Variants in GRIA1 observed in about 807,000 individuals in gnomAD.
GRIA1 encodes glutamate ionotropic receptor AMPA type subunit 1.
A neutral mutation model predicts 99.2 loss-of-function variants in GRIA1; 31 were observed. The ratio of observed to expected loss-of-function variants is 0.31; its 90% CI spans 0.23 to 0.42. The LOEUF is 0.42. Ranked by LOEUF, GRIA1 falls within the 10% of genes least tolerant of loss-of-function variation. The probability of loss-of-function intolerance (pLI) is 1.00; values close to 1 mark genes in which losing one functional copy is unlikely to be tolerated. For synonymous variants in GRIA1, 438 were observed against 432.4 expected, an observed-to-expected ratio of 1.01 and a Z score of -0.16; for missense variants, 782 against 1,157.5, an observed-to-expected ratio of 0.68 and a Z score of 4.71.
intron 7 of GRIA1, among the ~76,000 whole-genome samples, chr5:153,679,705 C>T (rs969151553): frequency 6.6e-6 from 1 of 152,176 alleles, no homozygotes; most frequent in African/African-American, 2.4e-5. Context: ...TGATGGTATC[C>T]AGTCTTAGAA....
intron 11 of GRIA1, among the ~76,000 whole-genome samples, chr5:153,761,654 C>G (rs771591736): frequency 5.9e-5 from 9 of 152,164 alleles, no homozygotes; most frequent in Non-Finnish European, 1.2e-4. Flanking sequence ...ATTCAACAAT[C>G]TCACCATTGA....
intron 2 of GRIA1, among the ~76,000 whole-genome samples, chr5:153,602,935 A>G (rs1245232886): frequency 2.6e-5 from 4 of 152,106 alleles, no homozygotes; most frequent in African/African-American, 9.7e-5. Context: ...TGTCATAGAT[A>G]TTGATCTGAG....
At chr5:153,512,480 G>A (rs1756191934) in intron 2 of GRIA1, among the ~76,000 whole-genome samples, 1 of 152,108 alleles carries the variant, frequency 6.6e-6, no homozygotes, top group Non-Finnish European at 1.5e-5. Flanking sequence ...TGGCCCAAGA[G>A]GCCAAAACAC....
chr5:153,732,708 T>A (rs1354585985), intron 11 of GRIA1, among the ~76,000 whole-genome samples: 1 of 152,062 alleles, frequency 6.6e-6, no homozygotes, highest in African/African-American at 2.4e-5. Context: ...CTTTGATGTA[T>A]GGAAACTTTT....
intron 8 of GRIA1, among the ~76,000 whole-genome samples, chr5:153,696,025 A>T (rs1758067483): frequency 6.6e-6 from 1 of 152,148 alleles, no homozygotes; most frequent in East Asian, 1.9e-4. Flanking sequence ...GGGGACAGAC[A>T]CACAAACAGC....
In GRIA1 at chr5:153,617,229, G is replaced by A. The variant is rs543469005; in HGVS notation, c.221-29699G>A. 6.6e-5 allele frequency among the ~76,000 whole-genome samples: 10 copies of A among 152,308 alleles called. No individual in the cohort carries two copies. In the South Asian group the frequency reaches 8.3e-4, roughly 13 times the overall value. ...AAAAGCTCTGTAAATTAGTGAGTTC[G>A]TGATATCATGCTACGCTCCTGTTTT... On this transcript the variant is annotated intron_variant, in intron 2 of 15. Coordinates refer to ENST00000285900, the MANE Select transcript of GRIA1 (RefSeq NM_000827.4).
chr5:153,622,274 C>G (rs1767126673), intron 2 of GRIA1, among the ~76,000 whole-genome samples: 1 of 152,164 alleles, frequency 6.6e-6, no homozygotes, highest in Non-Finnish European at 1.5e-5. Flanking sequence ...TTGGAGAGAC[C>G]TACTTTGGTC....
chr5:153,550,172 G>A (rs1299926230), intron 2 of GRIA1, among the ~76,000 whole-genome samples: 1 of 151,342 alleles, frequency 6.6e-6, no homozygotes, highest in Non-Finnish European at 1.5e-5. Flanking sequence ...TTCCTTTCCA[G>A]CTCCAAATTA....
chr5:153,761,524 C>T lies in GRIA1; in HGVS notation c.1824-2910C>T, dbSNP rs1410643701. ...TGAAGTAGACAGAAAATAACAAATG[C>T]TAGCAAGGGTGTGAGGAAGGGGAAC... On this transcript the variant is annotated intron_variant, in intron 11 of 15. Transcript: ENST00000285900. Among the ~76,000 whole-genome samples, 3 of 152,056 alleles carry T rather than the reference C, an allele frequency of 2.0e-5. No individual in the cohort carries two copies. The East Asian group carries it at 5.8e-4, about 29-fold the overall frequency.
At chr5:153,491,384 T>C (rs1276272760) in intron 1 of GRIA1, 7 of 788,892 alleles carry the variant, frequency 8.9e-6, no homozygotes, top group Non-Finnish European at 1.1e-5. Flanking sequence ...ATATTACATA[T>C]GCACATATAT....
intron 2 of GRIA1, among the ~76,000 whole-genome samples, chr5:153,583,372 G>C (rs114412581): frequency 0.061 from 9,267 of 152,208 alleles, 364 homozygotes; most frequent in Middle Eastern, 0.1. Flanking sequence ...AGTGTTGCTA[G>C]GGCTGTGCTC....
At chr5:153,536,807 A>G (rs2113465260) in intron 2 of GRIA1, among the ~76,000 whole-genome samples, 1 of 152,268 alleles carries the variant, frequency 6.6e-6, no homozygotes. Context: ...TTATTTTTCT[A>G]CATCTTTAAT....
chr5:153,608,750 T>A (rs1765677486), intron 2 of GRIA1, among the ~76,000 whole-genome samples: 1 of 152,214 alleles, frequency 6.6e-6, no homozygotes, highest in Non-Finnish European at 1.5e-5. Flanking sequence ...TTTCTCTGCT[T>A]TTCTGTTCAT....
chr5:153,810,881 G>C lies in GRIA1; in HGVS notation c.2521-144G>C. On this transcript the variant is annotated intron_variant, in intron 15 of 15. Transcript: ENST00000285900. ...AAGTGATAGTTTTCTGTGTTCCTGA[G>C]AAGTCAGAATTAGCGTTGTAGAATA... The C allele has an allele frequency of 2.3e-5, 15 of 641,932 alleles. No individual in the cohort carries two copies. The South Asian group carries it at 2.7e-4, about 12-fold the overall frequency. The allele number at this position is 641,932 out of a possible 1,614,324, so 39.8% of individuals were successfully genotyped here.
chr5:153,685,217 T>C (rs1449177010), intron 7 of GRIA1, among the ~76,000 whole-genome samples: 1 of 152,192 alleles, frequency 6.6e-6, no homozygotes, highest in African/African-American at 2.4e-5. Context: ...TGGATCACTA[T>C]TAGGGAATGT....
At chr5:153,600,227 T>C (rs1764799037) in intron 2 of GRIA1, among the ~76,000 whole-genome samples, 1 of 151,474 alleles carries the variant, frequency 6.6e-6, no homozygotes, top group South Asian at 2.1e-4. Flanking sequence ...CTGTCTCTAC[T>C]AAAAATACAA....
intron 2 of GRIA1, among the ~76,000 whole-genome samples, chr5:153,597,484 G>A (rs1301342529): frequency 6.6e-6 from 1 of 152,154 alleles, no homozygotes; most frequent in Non-Finnish European, 1.5e-5. Context: ...TGTGGCCTCA[G>A]ACCAGTTATT....
chr5:153,631,698 T>A (rs560335105), intron 2 of GRIA1, among the ~76,000 whole-genome samples: 2 of 152,144 alleles, frequency 1.3e-5, no homozygotes, highest in Non-Finnish European at 2.9e-5. Context: ...TGTTTTAAGT[T>A]TTTTTGGTAT....
chr5:153,499,613 C>CAAAAAAAAAAAAAAAAAAAA (rs70976100), intron 2 of GRIA1, among the ~76,000 whole-genome samples: 1 of 42,118 alleles, frequency 2.4e-5, no homozygotes, highest in African/African-American at 9.3e-5. Flanking sequence ...GAATTTGTCT[C>CAAAAAAAAAAAAAAAAAAAA]AAAAAAAAAA....
Sources: allele counts gnomAD v4.1 joint callset (sites outside exome capture counted in the v4.1 genomes callset), GRCh38; gene constraint gnomAD v4.1.1; transcripts MANE v1.5; gene names NCBI Gene and HGNC (gene_info 2026-07-23, HGNC 2026-07-21).